MEGF6: variants seen among roughly 807,000 people sequenced by gnomAD.
The protein encoded by MEGF6 is multiple EGF like domains 6.
Under a neutral mutation model 207.1 loss-of-function variants are expected in MEGF6, and 184 were observed. That is an observed-to-expected ratio of 0.89 (90% confidence interval 0.79 to 1.00). The LOEUF (loss-of-function observed/expected upper bound fraction) is 1.00. Ranked by LOEUF, MEGF6 falls within the 50% of genes least tolerant of loss-of-function variation. The pLI, the probability that MEGF6 is intolerant of heterozygous loss-of-function variation, is 0.00. For missense variants in MEGF6, 2,282 were observed against 2,202.9 expected, an observed-to-expected ratio of 1.04 and a Z score of -0.72; for synonymous variants, 1,038 against 910.0, an observed-to-expected ratio of 1.14 and a Z score of -2.53.
chr1:3,622,874 G>C, the MEGF6 span, among the ~76,000 whole-genome samples: 1 of 152,170 alleles, frequency 6.6e-6, no homozygotes, highest in Admixed American at 6.5e-5. Flanking sequence ...AGTGAAATTT[G>C]TTTATTGTCT....
intron 3 of MEGF6, among the ~76,000 whole-genome samples, chr1:3,593,415 C>T (rs978428992): frequency 1.2e-4 from 18 of 151,958 alleles, no homozygotes; most frequent in Admixed American, 2.6e-4. Context: ...TTGCCTTCCC[C>T]GCCCGGGCTC....
upstream of MEGF6, among the ~76,000 whole-genome samples, chr1:3,612,238 C>T (rs912790175): frequency 6.6e-6 from 1 of 151,524 alleles, no homozygotes. Flanking sequence ...AGTGGGTGGG[C>T]GCGGGGTCCC....
rs140631685 is a variant in MEGF6 at position 3,569,283 on chromosome 1, G to A, written c.481+10542C>T. On this transcript the variant is annotated intron_variant, in intron 4 of 36. Coordinates refer to ENST00000356575, the MANE Select transcript of MEGF6 (RefSeq NM_001409.4). The stretch of plus-strand genomic sequence containing the variant: ...ACCAATGCCCAGACACCACCCCGCC[G>A]CCCCTCAGCCGGGGCTCCCAAAGGC... Among the ~76,000 whole-genome samples the A allele has an allele frequency of 2.7e-3, 414 of 152,342 alleles. 3 individuals are homozygous for A. The highest frequency in any genetic ancestry group is 9.5e-3 in the Admixed American group (145 of 15,304).
At chr1:3,597,890 G>T (rs1406260331) in intron 2 of MEGF6, among the ~76,000 whole-genome samples, 1 of 152,214 alleles carries the variant, frequency 6.6e-6, no homozygotes, top group African/African-American at 2.4e-5. Context: ...ACAGCTCACC[G>T]CGTGGTACCT....
At chr1:3,593,085 C>A (rs1224022947) in intron 3 of MEGF6, among the ~76,000 whole-genome samples, 2 of 152,220 alleles carry the variant, frequency 1.3e-5, no homozygotes, top group Admixed American at 6.5e-5. Context: ...ATGCAGATGG[C>A]GGCCTAGTGC....
intron 5 of MEGF6, among the ~76,000 whole-genome samples, chr1:3,523,151 G>T (rs1428683674): frequency 6.6e-6 from 1 of 152,124 alleles, no homozygotes; most frequent in Non-Finnish European, 1.5e-5. Flanking sequence ...CTCAGAGCCG[G>T]CTTGGGCCCT....
At chr1:3,564,461 G>A (rs757569387) in intron 4 of MEGF6, among the ~76,000 whole-genome samples, 40 of 152,134 alleles carry the variant, frequency 2.6e-4, no homozygotes, top group Admixed American at 7.2e-4. Context: ...CAGTCTGGCC[G>A]GGGTGACCCT....
At chr1:3,579,804 T>C (rs895277949) in intron 4 of MEGF6, 21 bp downstream of exon 4, 6 of 1,445,664 alleles carry the variant, frequency 4.2e-6, no homozygotes, top group Non-Finnish European at 5.5e-6. Flanking sequence ...AGGGCCTTGG[T>C]CCCCCAGGGG....
the MEGF6 span, among the ~76,000 whole-genome samples, chr1:3,617,366 T>C: frequency 9.1e-6 from 1 of 110,312 alleles, no homozygotes; most frequent in African/African-American, 3.4e-5. Flanking sequence ...CACCCGTGAA[T>C]GTGACCTTAT....
chr1:3,623,988 C>T, the MEGF6 span, among the ~76,000 whole-genome samples: 3 of 152,234 alleles, frequency 2.0e-5, no homozygotes, highest in Non-Finnish European at 4.4e-5. Flanking sequence ...GCTCCCTGCC[C>T]GGTTCTCATC....
upstream of MEGF6, among the ~76,000 whole-genome samples, chr1:3,614,616 T>C (rs190734341): frequency 2.6e-3 from 395 of 152,370 alleles, 3 homozygotes; most frequent in African/African-American, 9.2e-3. Flanking sequence ...TGTCAGACTA[T>C]ATAAGCTTTG....
At chr1:3,506,347 G>T in intron 14 of MEGF6, 111 bp from the exon 15 acceptor site, 2 of 1,354,926 alleles carry the variant, frequency 1.5e-6, no homozygotes, top group Non-Finnish European at 2.0e-6. Context: ...GGAGCTGGGA[G>T]CAGCCCCCGC....
Position 3,573,866 on chromosome 1 carries a change from C to T in MEGF6, c.481+5959G>A, listed in dbSNP as rs765179737. On this transcript the variant is annotated intron_variant, in intron 4 of 36. Coordinates refer to ENST00000356575, the MANE Select transcript of MEGF6 (RefSeq NM_001409.4). The surrounding 1 kb of genome is among the most constrained non-coding windows in gnomAD (Gnocchi z 5.1). ...CATTGAAAGGCAGTGGGGAGGGCCG[C>T]TTCCTCTCCATTAATCAATGGTCCC... Among the ~76,000 whole-genome samples, 13 of 152,166 alleles carry T rather than the reference C, an allele frequency of 8.5e-5. No homozygotes were observed. The highest frequency in any genetic ancestry group is 1.5e-4 in the Non-Finnish European group (10 of 68,018).
chr1:3,546,654 G>A (rs1402611597), intron 4 of MEGF6, among the ~76,000 whole-genome samples: 3 of 147,488 alleles, frequency 2.0e-5, no homozygotes, highest in Non-Finnish European at 3.0e-5. Flanking sequence ...GCTGGGAAGG[G>A]GGCTGCCAGG....
intron 5 of MEGF6, 126 bp downstream of exon 5, chr1:3,523,998 C>A: frequency 9.1e-7 from 1 of 1,094,024 alleles, no homozygotes; most frequent in Non-Finnish European, 1.3e-6. Flanking sequence ...AGGAAGGAGC[C>A]ACTGCCAGAG....
rs139596377 is a variant in MEGF6, at chr1:3,540,466, G to A, written c.482-16220C>T. ...TTTGCAACCGGAAGGCCCAGGTTCA[G>A]GCCTGGGCTCCAGGGCCCATGGGCG... On this transcript the variant is annotated intron_variant, in intron 4 of 36. Coordinates refer to ENST00000356575, the MANE Select transcript of MEGF6 (RefSeq NM_001409.4). Among the ~76,000 whole-genome samples the A allele has an allele frequency of 6.1e-3, 927 of 152,348 alleles. 4 individuals carry two copies. The highest frequency in any genetic ancestry group is 0.012 in the Admixed American group (184 of 15,306).
At chr1:3,611,925 C>T (rs1446395197), upstream of MEGF6, among the ~76,000 whole-genome samples, 2 of 152,120 alleles carry the variant, frequency 1.3e-5, no homozygotes, top group Non-Finnish European at 2.9e-5. Context: ...TCTCTGGGAT[C>T]CCGGACCCCA....
chr1:3,494,737 G>T lies in MEGF6; in HGVS notation c.3876C>A (p.Cys1292Ter). 2 of 1,578,234 alleles carry T rather than the reference G, an allele frequency of 1.3e-6. No individual in the cohort carries two copies. The highest frequency in any genetic ancestry group is 1.8e-5 in the Admixed American group (1 of 56,938). The change falls in exon 31 of 37, where the codon TGC (cysteine) becomes TGA (stop). Residue 1292 changes from cysteine (C) to a stop codon, truncating the protein, a stop_gained. Coordinates refer to ENST00000356575, the MANE Select transcript of MEGF6 (RefSeq NM_001409.4). LOFTEE classifies it high-confidence loss of function. Reference sequence around the variant, plus strand: ...AGCCCACGCCAAACCGGTTCTGGGGGCAGCCTGGAGACAGAAGGCAGGTGC... The same window carrying T: ...AGCCCACGCCAAACCGGTTCTGGGGTCAGCCTGGAGACAGAAGGCAGGTGC... ...GRAGVRCERG[C>*]PQNRFGVGCE...
rs866259845 is a variant in MEGF6 at position 3,598,727 on chromosome 1, C to T, written c.267-3280G>A. Among the ~76,000 whole-genome samples, 270 of 147,684 alleles carry T rather than the reference C, an allele frequency of 1.8e-3. 4 individuals are homozygous for T. The highest frequency in any genetic ancestry group is 6.0e-3 in the African/African-American group (237 of 39,302). ...GTCATGGTAACGAGCCCCCCCCCCC[C>T]CCCCGGGGCCCACTCCTCTGCCTTC... On this transcript the variant is annotated intron_variant, in intron 2 of 36. Transcript: ENST00000356575.
Sources: gnomAD v4.1 joint callset for allele counts (sites outside exome capture counted in the v4.1 genomes callset) on GRCh38, gnomAD v4.1.1 for gene constraint, Gnocchi (gnomAD v3.1) non-coding constraint, MANE v1.5 for transcripts, NCBI Gene and HGNC (gene_info 2026-07-23, HGNC 2026-07-21) for gene names.